Variants in RFTN2 observed in about 807,000 individuals in gnomAD.
RFTN2 encodes raftlin-2.
Under a neutral mutation model 52.7 loss-of-function variants are expected in RFTN2, and 34 were observed. That is an observed-to-expected ratio of 0.64 (90% confidence interval 0.49 to 0.86). The LOEUF is 0.86. RFTN2 is among the 40% of genes least tolerant of loss of function. The pLI is 0.00. For synonymous variants in RFTN2, 203 were observed against 217.7 expected (o/e 0.93, Z 0.59); for missense variants, 536 against 600.1 (o/e 0.89, Z 1.12).
rs112492132 is a variant in RFTN2 at position 197,646,579 on chromosome 2, A to G, written c.227T>C (p.Val76Ala). 2 of 1,612,450 alleles carry G rather than the reference A, an allele frequency of 1.2e-6. No individual in the cohort carries two copies. The highest frequency in any genetic ancestry group is 8.5e-7 in the Non-Finnish European group (1 of 1,178,428). ...VENYYLKGYI[V>A]GAIHPVIQPV... ...TTGTATAACAGGATGAATAGCCCCG[A>G]CAATATATCCTTTAAGATAATAGTT... The change falls in exon 2 of 9, where the codon GTC becomes GCC. Residue 76 changes from valine to alanine, a missense_variant. By Grantham distance (64) the Val-to-Ala change is moderately conservative. Transcript: ENST00000295049.
At chr2:197,639,160 G>A (rs1348616033) in intron 3 of RFTN2, among the ~76,000 whole-genome samples, 2 of 143,318 alleles carry the variant, frequency 1.4e-5, no homozygotes, top group Non-Finnish European at 3.0e-5. Context: ...TTTCTCTCTG[G>A]CTGCCCTTAA....
chr2:197,603,643 T>C (rs1184776053), intron 7 of RFTN2, among the ~76,000 whole-genome samples: 4 of 152,036 alleles, frequency 2.6e-5, no homozygotes, highest in Non-Finnish European at 4.4e-5. Context: ...AGGCCGGGTG[T>C]GGTGGCTCAC....
intron 1 of RFTN2, among the ~76,000 whole-genome samples, 198 bp downstream of exon 1, chr2:197,675,122 A>G (rs960111467): frequency 6.6e-6 from 1 of 152,222 alleles, no homozygotes; most frequent in Non-Finnish European, 1.5e-5. Flanking sequence ...GAAGGTACAT[A>G]TGAGCCATGT....
chr2:197,640,113 C>T (rs371178831), intron 3 of RFTN2, among the ~76,000 whole-genome samples: 2 of 152,224 alleles, frequency 1.3e-5, no homozygotes, highest in African/African-American at 4.8e-5. Context: ...TCTCCAGCTG[C>T]GTGCTGGGAG....
At chr2:197,623,578 A>T (rs552410720) in intron 5 of RFTN2, among the ~76,000 whole-genome samples, 56 of 152,312 alleles carry the variant, frequency 3.7e-4, no homozygotes, top group African/African-American at 1.3e-3. Context: ...TCCCAGGTTC[A>T]ACTGATTCTT....
At chr2:197,589,572 A>C (rs2087663484) in intron 8 of RFTN2, among the ~76,000 whole-genome samples, 1 of 152,196 alleles carries the variant, frequency 6.6e-6, no homozygotes, top group Admixed American at 6.5e-5. Flanking sequence ...GGTGTATGAT[A>C]TCTCATTATG....
chr2:197,651,001 G>A (rs907314642), intron 1 of RFTN2, among the ~76,000 whole-genome samples: 1 of 152,106 alleles, frequency 6.6e-6, no homozygotes, highest in African/African-American at 2.4e-5. Context: ...ATAACTTATT[G>A]TGGTTTTGAT....
chr2:197,619,740 TAAA>T lies in RFTN2; in HGVS notation c.929-1822_929-1820del, dbSNP rs201532331. Among the ~76,000 whole-genome samples, 35 of 126,982 alleles carry T rather than the reference TAAA, an allele frequency of 2.8e-4. 1 individual carries two copies. Among genetic ancestry groups the T allele is most frequent in the South Asian group, 1.2e-3 (5 of 4,126 alleles). 83.3% of individuals were successfully genotyped at this position (126,982 alleles called of 152,430 possible). On this transcript the variant is annotated intron_variant, in intron 5 of 8. Transcript: ENST00000295049. Reference sequence around the variant, plus strand: ...CGAGAAACACCCAAGAATGATCAATTAAAAAAAAAAAATAATAATAACAATAAT... The same window carrying T: ...CGAGAAACACCCAAGAATGATCAATTAAAAAAAAATAATAATAACAATAAT...
At chr2:197,635,134 G>C (rs967384226) in intron 3 of RFTN2, among the ~76,000 whole-genome samples, 9 of 151,610 alleles carry the variant, frequency 5.9e-5, no homozygotes, top group South Asian at 2.1e-4. Flanking sequence ...TCCAGTCTAT[G>C]ATTGTTGGAC....
chr2:197,602,927 C>T (rs2087901937), intron 7 of RFTN2, among the ~76,000 whole-genome samples: 1 of 152,100 alleles, frequency 6.6e-6, no homozygotes, highest in African/African-American at 2.4e-5. Flanking sequence ...TTTGTAGGGA[C>T]ATGGATGAAG....
intron 5 of RFTN2, among the ~76,000 whole-genome samples, chr2:197,618,321 C>T (rs1442598445): frequency 6.6e-6 from 1 of 152,174 alleles, no homozygotes; most frequent in East Asian, 1.9e-4. Context: ...CTCCTAACCG[C>T]GAGTGATCCG....
chr2:197,645,044 G>T (rs1010564188), intron 2 of RFTN2, among the ~76,000 whole-genome samples: 1 of 151,960 alleles, frequency 6.6e-6, no homozygotes, highest in African/African-American at 2.4e-5. Context: ...AGTGATTGTT[G>T]TTGATCCATC....
In RFTN2 at chr2:197,665,803, A is replaced by G. The variant is rs188945181; in HGVS notation, c.139+9517T>C. 4.3e-3 allele frequency among the ~76,000 whole-genome samples: 649 copies of G among 151,330 alleles called. 16 individuals carry two copies. The highest frequency in any genetic ancestry group is 1.0e-3 in the Non-Finnish European group (71 of 67,784). ...TGATATGTGAGTTTTTGTTCCTATC[A>G]TATTGTTAATTGTTTTCTGTATGTT... On this transcript the variant is annotated intron_variant, in intron 1 of 8. Coordinates refer to ENST00000295049, the MANE Select transcript of RFTN2 (RefSeq NM_144629.3).
At chr2:197,634,968 T>C (rs2088539838) in intron 3 of RFTN2, among the ~76,000 whole-genome samples, 1 of 125,770 alleles carries the variant, frequency 8.0e-6, no homozygotes, top group Non-Finnish European at 1.7e-5. Context: ...TTCCCACCTA[T>C]GAGTGAGAAT....
At position 197,627,772 on chromosome 2, in the gene RFTN2, AG is replaced by A. The variant is rs948037279; in HGVS notation, c.928+3238del. ...CCCAGGGTGTGCTTCACAGCAGAAA[AG>A]GCTGTTAGAGTGAGTGTGGAGGGAC... On this transcript the variant is annotated intron_variant, in intron 5 of 8. Coordinates refer to ENST00000295049, the MANE Select transcript of RFTN2 (RefSeq NM_144629.3). 3.9e-5 allele frequency among the ~76,000 whole-genome samples: 6 copies of A among 152,096 alleles called. 1 individual carries two copies. The highest frequency in any genetic ancestry group is 7.4e-5 in the Non-Finnish European group (5 of 68,022).
At chr2:197,580,588 G>C (rs1298471429) in intron 8 of RFTN2, among the ~76,000 whole-genome samples, 1 of 152,250 alleles carries the variant, frequency 6.6e-6, no homozygotes, top group Non-Finnish European at 1.5e-5. Flanking sequence ...AAAGGCTGAA[G>C]GCTGATGCTG....
chr2:197,604,209 G>T lies in RFTN2; in HGVS notation c.1155-8140C>A, dbSNP rs542369118. On this transcript the variant is annotated intron_variant, in intron 7 of 8. Coordinates refer to ENST00000295049, the MANE Select transcript of RFTN2 (RefSeq NM_144629.3). Reference sequence around the variant, plus strand: ...TACATGGAAACAATCTATTTGAAAAGAATCTGGTATTTATCTAACAAAGCT... The same window carrying T: ...TACATGGAAACAATCTATTTGAAAATAATCTGGTATTTATCTAACAAAGCT... Among the ~76,000 whole-genome samples, 138 of 152,312 alleles carry T rather than the reference G, an allele frequency of 9.1e-4. 1 individual carries two copies. Among genetic ancestry groups the T allele is most frequent in the African/African-American group, 3.2e-3 (131 of 41,574 alleles).
chr2:197,570,342 G>A lies in RFTN2; in HGVS notation c.*1666C>T, dbSNP rs972442224. On this transcript the variant is annotated 3_prime_UTR_variant, in exon 9 of 9. Coordinates refer to ENST00000295049, the MANE Select transcript of RFTN2 (RefSeq NM_144629.3). ...GGATGATAAAAGTGGAATAATTCCT[G>A]TTAATTTTATCAGCAATTAATGGAG... 8 of 152,216 alleles carry A rather than the reference G, an allele frequency of 5.3e-5. No individual in the cohort carries two copies. The highest frequency in any genetic ancestry group is 5.2e-4 in the Admixed American group (8 of 15,284). 9.4% of individuals were successfully genotyped at this position (152,216 alleles called of 1,614,324 possible). A position where few individuals can be genotyped will look rare whatever the true frequency, so the allele number is the denominator to read the frequency against.
At chr2:197,596,980 T>C (rs892469220) in intron 7 of RFTN2, among the ~76,000 whole-genome samples, 1 of 152,208 alleles carries the variant, frequency 6.6e-6, no homozygotes. Context: ...GGAGTGTCTG[T>C]AGCTAATGTT....
Sources: gnomAD v4.1 joint callset for allele counts (sites outside exome capture counted in the v4.1 genomes callset) on GRCh38, gnomAD v4.1.1 for gene constraint, MANE v1.5 for transcripts, NCBI Gene and HGNC (gene_info 2026-07-23, HGNC 2026-07-21) for gene names.